Variants in RP1L1 observed in about 807,000 individuals in gnomAD.
RP1L1 encodes the protein retinitis pigmentosa 1-like 1 protein.
A neutral mutation model predicts 15.7 loss-of-function variants in RP1L1; 27 were observed. The ratio of observed to expected loss-of-function variants is 1.72; its 90% CI spans 1.27 to 2.38. RP1L1 has a LOEUF of 2.38. RP1L1 is among the 30% of genes most tolerant of loss of function. The probability of loss-of-function intolerance (pLI) is 0.00; values close to 1 mark genes in which losing one functional copy is unlikely to be tolerated. For missense variants in RP1L1, 4,798 were observed against 3,075.9 expected (o/e 1.56, Z -13.24); for synonymous variants, 1,813 against 1,276.7 (o/e 1.42, Z -8.96).
At chr8:10,651,755 T>TAA (rs56269757) in intron 1 of RP1L1, among the ~76,000 whole-genome samples, 13,689 of 101,624 alleles carry the variant, frequency 0.13, 1,392 homozygotes, top group Middle Eastern at 0.23. Flanking sequence ...GACTCCGTCT[T>TAA]AAAAAAAAAA....
Position 10,608,935 on chromosome 8 carries a change from C to T in RP1L1, c.5163G>A (p.Arg1721=). Reference sequence around the variant, plus strand: ...GCCCTCCCTCAGCTCCCTGGACAGTCCTAGTGCTCGTGGGGTCCGTGTGGG... The same window carrying T: ...GCCCTCCCTCAGCTCCCTGGACAGTTCTAGTGCTCGTGGGGTCCGTGTGGG... ...GKTHTDPTST[R]TVQGAEGGLG... The change falls in exon 4 of 4, where the codon AGG becomes AGA. Residue 1721 remains arginine (R), a synonymous_variant. Transcript: ENST00000382483. 1 of 1,614,102 alleles carries T rather than the reference C, an allele frequency of 6.2e-7. No homozygotes were observed. The highest frequency in any genetic ancestry group is 1.1e-5 in the South Asian group (1 of 91,084).
chr8:10,624,675 G>C (rs1798128824), intron 1 of RP1L1, among the ~76,000 whole-genome samples: 1 of 150,298 alleles, frequency 6.7e-6, no homozygotes, highest in Non-Finnish European at 1.5e-5. Context: ...GAAGGTCGGA[G>C]GCTTCTTGCA....
chr8:10,651,165 C>T (rs1488647009), intron 1 of RP1L1, among the ~76,000 whole-genome samples: 1 of 152,194 alleles, frequency 6.6e-6, no homozygotes, highest in Non-Finnish European at 1.5e-5. Context: ...TCTTCCCATA[C>T]CAGAGGTTCT....
At chr8:10,650,261 T>A (rs1015747820) in intron 1 of RP1L1, among the ~76,000 whole-genome samples, 2 of 152,122 alleles carry the variant, frequency 1.3e-5, no homozygotes, top group East Asian at 1.9e-4. Context: ...CTGGACTTCT[T>A]ACTAGACAGG....
intron 2 of RP1L1, among the ~76,000 whole-genome samples, chr8:10,618,516 G>A (rs920416383): frequency 6.6e-6 from 1 of 151,866 alleles, no homozygotes; most frequent in Non-Finnish European, 1.5e-5. Flanking sequence ...CAAAAACAAA[G>A]AGCAAACAAA....
In RP1L1 at chr8:10,607,364, G is replaced by C; in HGVS notation, c.6734C>G (p.Thr2245Ser). The C allele has an allele frequency of 6.2e-7, 1 of 1,614,034 alleles. No individual in the cohort carries two copies. Among genetic ancestry groups the C allele is most frequent in the Non-Finnish European group, 8.5e-7 (1 of 1,179,956 alleles). ...AGGGCTCCCCTTTTTCTCACCTTGA[G>C]TTTCTCCTTCTGACTCTGGCTGGGC... ...GEAQPESEGETQGEKKGSPQV... is the reference protein window; with the variant it reads ...GEAQPESEGESQGEKKGSPQV... The change falls in exon 4 of 4, where the codon ACT becomes AGT. Residue 2245 changes from threonine (T) to serine (S), a missense_variant. Transcript: ENST00000382483.
intron 2 of RP1L1, among the ~76,000 whole-genome samples, chr8:10,618,131 G>A (rs1798000491): frequency 6.6e-6 from 1 of 152,106 alleles, no homozygotes; most frequent in African/African-American, 2.4e-5. Context: ...CTCTCTCATT[G>A]GCCAGCCATG....
chr8:10,622,632 G>C lies in RP1L1; in HGVS notation c.570C>G (p.Arg190=), dbSNP rs774516490. Residue 190 remains arginine (R), a synonymous_variant, in exon 2 of 4, where the codon CGC becomes CGG. Transcript: ENST00000382483. ...TCGTGTACAACTGCTTCACAGGAAA[G>C]CGCAGGAGATCTGAGGCTTTGCCGA... ...AFLGKASDLL[R]FPVKQLYTTS... is the part of the protein sequence containing the mutation. The C allele has an allele frequency of 4.3e-6, 7 of 1,614,250 alleles. No individual in the cohort carries two copies. In the South Asian group the frequency reaches 5.5e-5, roughly 13 times the overall value.
At chr8:10,619,062 G>T (rs1798017691) in intron 2 of RP1L1, among the ~76,000 whole-genome samples, 1 of 152,064 alleles carries the variant, frequency 6.6e-6, no homozygotes, top group Non-Finnish European at 1.5e-5. Context: ...TAGAGATGGG[G>T]TTTCCCCATG....
At chr8:10,648,374 G>A (rs543417747) in intron 1 of RP1L1, among the ~76,000 whole-genome samples, 2 of 151,778 alleles carry the variant, frequency 1.3e-5, no homozygotes, top group African/African-American at 2.4e-5. Flanking sequence ...TTTTTTAATA[G>A]TACCTATTCT....
At chr8:10,652,370 G>T (rs900166899) in intron 1 of RP1L1, among the ~76,000 whole-genome samples, 2 of 152,184 alleles carry the variant, frequency 1.3e-5, no homozygotes, top group Non-Finnish European at 2.9e-5. Context: ...AGGGTTGGGG[G>T]CCTCCTCAGA....
intron 1 of RP1L1, among the ~76,000 whole-genome samples, chr8:10,648,295 G>T (rs1798509448): frequency 6.6e-6 from 1 of 152,122 alleles, no homozygotes; most frequent in African/African-American, 2.4e-5. Flanking sequence ...GCCCCCCAAA[G>T]TACTGGGATT....
intron 1 of RP1L1, 101 bp from the exon 2 acceptor site, chr8:10,623,321 T>C (rs1334892987): frequency 4.7e-6 from 4 of 848,672 alleles, no homozygotes; most frequent in Non-Finnish European, 7.1e-6. Context: ...CCACCCCAAA[T>C]GTGCTCCACT....
chr8:10,643,340 GA>G (rs1000212411), intron 1 of RP1L1, among the ~76,000 whole-genome samples: 116 of 151,568 alleles, frequency 7.7e-4, no homozygotes, highest in African/African-American at 2.5e-3. Flanking sequence ...ACCTTGCCTA[GA>G]AAAAAAAATT....
chr8:10,630,535 G>T (rs929096083), intron 1 of RP1L1, among the ~76,000 whole-genome samples: 1 of 152,240 alleles, frequency 6.6e-6, no homozygotes, highest in African/African-American at 2.4e-5. Context: ...AAATTCTGCA[G>T]AGTGGAGGGT....
In RP1L1 at chr8:10,613,283, G is replaced by C; in HGVS notation, c.815C>G (p.Pro272Arg). 1 of 1,607,016 alleles carries C rather than the reference G, an allele frequency of 6.2e-7. No individual in the cohort carries two copies. Among genetic ancestry groups the C allele is most frequent in the Non-Finnish European group, 8.5e-7 (1 of 1,179,980 alleles). Residue 272 changes from proline to arginine, a missense_variant, in exon 4 of 4, where the codon CCA becomes CGA. Pro to Arg is a moderately radical substitution (Grantham distance 103). Coordinates refer to ENST00000382483, the MANE Select transcript of RP1L1 (RefSeq NM_178857.6). Reference sequence around the variant, plus strand: ...AGGACCAGGCCTTTCTGGCAGCCGTGGCGTGCTGCCTGGCGGAGACCGCGA... The same window carrying C: ...AGGACCAGGCCTTTCTGGCAGCCGTCGCGTGCTGCCTGGCGGAGACCGCGA... ...IHSRSPPGSTPRLPERPGPSN... is the reference protein window; with the variant it reads ...IHSRSPPGSTRRLPERPGPSN...
Position 10,610,095 on chromosome 8 carries a change from C to G in RP1L1, c.4003G>C (p.Gly1335Arg), listed in dbSNP as rs61503212. The change falls in exon 4 of 4, where the codon GGG becomes CGG. Residue 1335 changes from glycine to arginine, a missense_variant. By Grantham distance (125) the Gly-to-Arg change is moderately radical. Coordinates refer to ENST00000382483, the MANE Select transcript of RP1L1 (RefSeq NM_178857.6). ...TCTTTAGTTTCCTCTAACTGCACCC[C>G]CTCTTCTTGCAGCCCTTCTTCTGTT... The part of the protein sequence containing the change: ...TKTEEGLQEE[G>R]VQLEETKETE... The G allele has an allele frequency of 9.1e-7, 1 of 1,097,142 alleles. No individual in the cohort carries two copies. Among genetic ancestry groups the G allele is most frequent in the South Asian group, 1.4e-5 (1 of 69,376 alleles). 68.0% of individuals were successfully genotyped at this position (1,097,142 alleles called of 1,614,324 possible).
At chr8:10,627,278 C>T (rs1258128618) in intron 1 of RP1L1, among the ~76,000 whole-genome samples, 1 of 152,168 alleles carries the variant, frequency 6.6e-6, no homozygotes, top group Admixed American at 6.5e-5. Context: ...GCGATATAGA[C>T]AAACAAAGGA....
rs367691958 is a variant in RP1L1 at position 10,606,910 on chromosome 8, A to T, written c.7188T>A (p.Asp2396Glu). The T allele has an allele frequency of 1.2e-6, 2 of 1,614,104 alleles. No homozygotes were observed. The highest frequency in any genetic ancestry group is 1.7e-5 in the Admixed American group (1 of 60,012). Residue 2396 changes from aspartate to glutamate, a missense_variant, in exon 4 of 4, where the codon GAT (aspartate) becomes GAA (glutamate). Transcript: ENST00000382483. ...AVGRADGFGQDDLDF is the reference protein window; with the variant it reads ...AVGRADGFGQEDLDF ...TTGATCTTGTCTAGAAATCTAAGTC[A>T]TCTTGGCCAAAGCCGTCTGCCCTGC... is the stretch of plus-strand genomic sequence containing the variant.
Sources: gnomAD v4.1 joint callset for allele counts (sites outside exome capture counted in the v4.1 genomes callset) on GRCh38, gnomAD v4.1.1 for gene constraint, MANE v1.5 for transcripts, NCBI Gene and HGNC (gene_info 2026-07-23, HGNC 2026-07-21) for gene names.